Variants in CNTNAP2 observed in about 807,000 individuals in gnomAD.
The protein encoded by CNTNAP2 is contactin associated protein 2, also known as contactin-associated protein-like 2.
Under a neutral mutation model 155.2 loss-of-function variants are expected in CNTNAP2, and 98 were observed. The observed-to-expected ratio is 0.63, with a 90% CI of 0.54 to 0.75. The LOEUF (loss-of-function observed/expected upper bound fraction) is 0.75, where lower values mean the gene tolerates loss of function less well. Ranked by LOEUF, CNTNAP2 falls within the 30% of genes least tolerant of loss-of-function variation. The pLI is 0.00. For synonymous variants in CNTNAP2, 651 were observed against 631.2 expected, an observed-to-expected ratio of 1.03 and a Z score of -0.47; for missense variants, 1,727 against 1,688.1, an observed-to-expected ratio of 1.02 and a Z score of -0.40.
intron 1 of CNTNAP2, among the ~76,000 whole-genome samples, chr7:146,308,589 C>T (rs1800762367): frequency 6.6e-6 from 1 of 151,376 alleles, no homozygotes; most frequent in Non-Finnish European, 1.5e-5. Flanking sequence ...AAACGTCCAT[C>T]AATGATAGAC....
At chr7:147,547,126 T>C (rs1799751145) in intron 11 of CNTNAP2, among the ~76,000 whole-genome samples, 1 of 152,204 alleles carries the variant, frequency 6.6e-6, no homozygotes, top group Non-Finnish European at 1.5e-5. Context: ...GACTTGCTCA[T>C]GTCTTCTCTC....
chr7:146,493,142 A>T (rs2129131605), intron 1 of CNTNAP2, among the ~76,000 whole-genome samples: 1 of 152,314 alleles, frequency 6.6e-6, no homozygotes, highest in African/African-American at 2.4e-5. Flanking sequence ...ATCAGTATTG[A>T]ACATGACATT....
At chr7:147,514,741 C>T (rs1799087379) in intron 11 of CNTNAP2, among the ~76,000 whole-genome samples, 1 of 152,038 alleles carries the variant, frequency 6.6e-6, no homozygotes, top group Non-Finnish European at 1.5e-5. Flanking sequence ...TTGCTGAGGC[C>T]AAAACCCATC....
intron 11 of CNTNAP2, among the ~76,000 whole-genome samples, chr7:147,493,375 C>A (rs1018246429): frequency 6.6e-6 from 1 of 152,154 alleles, no homozygotes; most frequent in Non-Finnish European, 1.5e-5. Context: ...AATTTACTTT[C>A]CATCCCATTC....
chr7:147,486,638 T>C (rs1798516037), intron 11 of CNTNAP2, among the ~76,000 whole-genome samples: 2 of 151,932 alleles, frequency 1.3e-5, no homozygotes, highest in Admixed American at 1.3e-4. Context: ...CATGCAAAAA[T>C]GACTAGGAAA....
intron 4 of CNTNAP2, among the ~76,000 whole-genome samples, chr7:147,091,618 AT>A (rs111317397): frequency 0.022 from 3,088 of 137,806 alleles, 126 homozygotes; most frequent in African/African-American, 0.077. Flanking sequence ...CACCCAGCTA[AT>A]TTTTTTTTTT....
chr7:147,598,848 A>G (rs979611070), intron 12 of CNTNAP2, among the ~76,000 whole-genome samples: 1 of 152,054 alleles, frequency 6.6e-6, no homozygotes. Flanking sequence ...TGGTTTTATA[A>G]GGGGCTTTTC....
At chr7:146,919,105 C>T (rs1158032459) in intron 3 of CNTNAP2, among the ~76,000 whole-genome samples, 1 of 151,932 alleles carries the variant, frequency 6.6e-6, no homozygotes, top group Non-Finnish European at 1.5e-5. Context: ...ATTTTTTTGA[C>T]TTCTTTATGT....
intron 8 of CNTNAP2, among the ~76,000 whole-genome samples, chr7:147,178,969 T>G (rs577669733): frequency 1.3e-5 from 2 of 152,246 alleles, no homozygotes; most frequent in South Asian, 4.1e-4. Flanking sequence ...GTCTTTCATT[T>G]TCATCAGAAG....
intron 10 of CNTNAP2, among the ~76,000 whole-genome samples, chr7:147,453,513 A>G (rs1254958043): frequency 6.6e-6 from 1 of 152,202 alleles, no homozygotes; most frequent in Non-Finnish European, 1.5e-5. Context: ...GAATTATTCA[A>G]TAATTCTATA....
intron 1 of CNTNAP2, among the ~76,000 whole-genome samples, chr7:146,427,253 T>C (rs1584920369): frequency 6.6e-6 from 1 of 152,278 alleles, no homozygotes; most frequent in East Asian, 1.9e-4. Context: ...TTACTGGAAA[T>C]GATTTAATTC....
At chr7:147,321,529 T>C (rs1795350654) in intron 9 of CNTNAP2, among the ~76,000 whole-genome samples, 3 of 152,222 alleles carry the variant, frequency 2.0e-5, no homozygotes, top group African/African-American at 7.2e-5. Context: ...CACCTTCTAC[T>C]TCACAGTAGC....
At chr7:146,381,077 C>T (rs1795379960) in intron 1 of CNTNAP2, among the ~76,000 whole-genome samples, 1 of 151,888 alleles carries the variant, frequency 6.6e-6, no homozygotes, top group Non-Finnish European at 1.5e-5. Flanking sequence ...GGATTACAGG[C>T]GTGAGCCACC....
At chr7:146,807,825 T>G (rs1802995259) in intron 2 of CNTNAP2, among the ~76,000 whole-genome samples, 1 of 152,150 alleles carries the variant, frequency 6.6e-6, no homozygotes, top group Admixed American at 6.6e-5. Flanking sequence ...CCAACACTCA[T>G]AGACTTTATT....
rs546235982 is a variant in CNTNAP2 at position 146,672,342 on chromosome 7, G to A, written c.98-101929G>A. ...TCCAGGAGTTGTTTCCTTGTCCTTC[G>A]AGTAATTCTACATAGACAATCATGT... On this transcript the variant is annotated intron_variant, in intron 1 of 23. Transcript: ENST00000361727. 2.6e-5 allele frequency among the ~76,000 whole-genome samples: 4 copies of A among 152,096 alleles called. No individual in the cohort carries two copies. The East Asian group carries it at 5.8e-4, about 22-fold the overall frequency.
chr7:146,935,203 T>C (rs1796886700), intron 3 of CNTNAP2, among the ~76,000 whole-genome samples: 2 of 152,206 alleles, frequency 1.3e-5, no homozygotes, highest in Non-Finnish European at 2.9e-5. Context: ...TCAAGACTTC[T>C]GTACTATCTT....
intron 4 of CNTNAP2, among the ~76,000 whole-genome samples, chr7:147,106,645 A>G (rs1800772161): frequency 6.6e-6 from 1 of 152,190 alleles, no homozygotes; most frequent in South Asian, 2.1e-4. Flanking sequence ...TATTTGAGAT[A>G]CTAGCATAGA....
At chr7:146,314,333 T>C (rs1004646794) in intron 1 of CNTNAP2, among the ~76,000 whole-genome samples, 3 of 152,190 alleles carry the variant, frequency 2.0e-5, no homozygotes, top group Non-Finnish European at 4.4e-5. Context: ...AGTATCAAGT[T>C]GTGCTATCGC....
intron 1 of CNTNAP2, among the ~76,000 whole-genome samples, chr7:146,725,307 C>T (rs1339463828): frequency 1.3e-5 from 2 of 152,140 alleles, no homozygotes; most frequent in African/African-American, 2.4e-5. Context: ...ACTAGTAAAA[C>T]AACCTTTGCA....
Sources: gnomAD v4.1 joint callset for allele counts (sites outside exome capture counted in the v4.1 genomes callset) on GRCh38, gnomAD v4.1.1 for gene constraint, MANE v1.5 for transcripts, NCBI Gene and HGNC (gene_info 2026-07-23, HGNC 2026-07-21) for gene names.